Variants in SLCO3A1 observed in about 807,000 individuals in gnomAD.
SLCO3A1 encodes PGE1 transporter.
A neutral mutation model predicts 63.1 loss-of-function variants in SLCO3A1; 27 were observed. The observed-to-expected ratio is 0.43, with a 90% confidence interval of 0.32 to 0.59. The LOEUF (loss-of-function observed/expected upper bound fraction) is 0.59. SLCO3A1 is among the 20% of genes least tolerant of loss of function. The pLI, the probability that SLCO3A1 is intolerant of heterozygous loss-of-function variation, is 0.09. For missense variants in SLCO3A1, 773 were observed against 945.8 expected (o/e 0.82, Z 2.40); for synonymous variants, 473 against 409.9 (o/e 1.15, Z -1.86).
intron 2 of SLCO3A1, among the ~76,000 whole-genome samples, chr15:91,999,306 TAAA>T (rs1441132087): frequency 3.9e-5 from 6 of 151,910 alleles, no homozygotes; most frequent in Non-Finnish European, 5.9e-5. Context: ...TTTTAAAAAT[TAAA>T]AAATAAAAAG....
Position 91,952,860 on chromosome 15 carries a change from C to A in SLCO3A1, c.646+36402C>A, listed in dbSNP as rs560421397. Among the ~76,000 whole-genome samples the A allele has an allele frequency of 1.4e-4, 21 of 152,238 alleles. 1 individual carries two copies. The South Asian group carries it at 3.9e-3, about 29-fold the overall frequency. On this transcript the variant is annotated intron_variant, in intron 2 of 9. Coordinates refer to ENST00000318445, the MANE Select transcript of SLCO3A1 (RefSeq NM_013272.4). The stretch of plus-strand genomic sequence containing the variant: ...TCTCCAAAATCTAATTCCCATTGAC[C>A]GCATCACACTGCTGTGTCCAGGAGG...
intron 2 of SLCO3A1, among the ~76,000 whole-genome samples, chr15:92,011,384 C>A (rs1310028081): frequency 6.6e-6 from 1 of 152,210 alleles, no homozygotes; most frequent in African/African-American, 2.4e-5. Context: ...TTTGAGATTA[C>A]AATGCCTTAT....
rs201311094 is a variant in SLCO3A1, at chr15:92,060,381, G to A, written c.647-34500G>A. Among the ~76,000 whole-genome samples, 17 of 152,112 alleles carry A rather than the reference G, an allele frequency of 1.1e-4. No homozygotes were observed. In the East Asian group the frequency reaches 3.1e-3, roughly 28 times the overall value. On this transcript the variant is annotated intron_variant, in intron 2 of 9. Transcript: ENST00000318445. ...TCAAGACCAGCCTGGCCAACATCGC[G>A]AAACCCTGTCTCTACTAAAAATACA...
chr15:91,916,440 G>C lies in SLCO3A1; in HGVS notation c.628G>C (p.Asp210His). ...CATCGACGACCACGTGCGGAGGAAG[G>C]ACTCCTCGCTCTATATAGGTAGGAG... is the stretch of plus-strand genomic sequence containing the variant. ...SYIDDHVRRK[D>H]SSLYIGILFT... Residue 210 changes from aspartate to histidine, a missense_variant, in exon 2 of 10, where the codon GAC (aspartate) becomes CAC (histidine). Around this residue, in one of 3 missense-constraint regions of SLCO3A1, gnomAD observed 565 missense variants for 749.8 expected, o/e 0.75. Coordinates refer to ENST00000318445, the MANE Select transcript of SLCO3A1 (RefSeq NM_013272.4). The surrounding 1 kb of genome is among the most constrained non-coding windows in gnomAD (Gnocchi z 6.2). 6.2e-7 allele frequency: 1 copy of C among 1,610,140 alleles called. No homozygotes were observed. The highest frequency in any genetic ancestry group is 8.5e-7 in the Non-Finnish European group (1 of 1,178,432).
At position 92,034,871 on chromosome 15, in the gene SLCO3A1, A is replaced by G. The variant is rs76395857; in HGVS notation, c.647-60010A>G. Among the ~76,000 whole-genome samples, 45 of 152,036 alleles carry G rather than the reference A, an allele frequency of 3.0e-4. No homozygotes were observed. In the East Asian group the frequency reaches 6.7e-3, roughly 23 times the overall value. ...CAATTCTGTCCCTGCGTTAGTACTG[A>G]TAGCTCTAACTGTCATTCGCTGATT... On this transcript the variant is annotated intron_variant, in intron 2 of 9. Transcript: ENST00000318445.
chr15:91,853,810 G>C lies in SLCO3A1; in HGVS notation c.-99G>C. 3.7e-6 allele frequency: 4 copies of C among 1,092,920 alleles called. No homozygotes were observed. The highest frequency in any genetic ancestry group is 4.5e-6 in the Non-Finnish European group (4 of 895,458). The allele number at this position is 1,092,920 out of a possible 1,614,324, so 67.7% of individuals were successfully genotyped here. A position where few individuals can be genotyped will look rare whatever the true frequency, so the allele number is the denominator to read the frequency against. Reference sequence around the variant, plus strand: ...CGCGAACCCGGGGCGGGGACAGCACGCAGCCTCGAGGCGCGCACCCCCGCC... The same window carrying C: ...CGCGAACCCGGGGCGGGGACAGCACCCAGCCTCGAGGCGCGCACCCCCGCC... On this transcript the variant is annotated 5_prime_UTR_variant, in exon 1 of 10. Transcript: ENST00000318445.
chr15:92,166,314 C>A (rs1162233359), downstream of SLCO3A1, among the ~76,000 whole-genome samples: 5 of 152,144 alleles, frequency 3.3e-5, no homozygotes, highest in African/African-American at 1.2e-4. Flanking sequence ...TTGCTAGGAA[C>A]ACTTAACAGG....
rs1413054036 is a variant in SLCO3A1 at position 91,952,958 on chromosome 15, G to A, written c.646+36500G>A. Among the ~76,000 whole-genome samples, 3 of 152,156 alleles carry A rather than the reference G, an allele frequency of 2.0e-5. No individual in the cohort carries two copies. In the South Asian group the frequency reaches 6.2e-4, roughly 31 times the overall value. On this transcript the variant is annotated intron_variant, in intron 2 of 9. Coordinates refer to ENST00000318445, the MANE Select transcript of SLCO3A1 (RefSeq NM_013272.4). ...TTGGTTGAGGAAGAGGCAGCTGAGT[G>A]AGTCACAGATTTAGGGACAAGGTGG...
At chr15:92,146,698 TGGG>T (rs752474246) in intron 7 of SLCO3A1, among the ~76,000 whole-genome samples, 1 of 152,188 alleles carries the variant, frequency 6.6e-6, no homozygotes, top group African/African-American at 2.4e-5. Flanking sequence ...CTAATTGTAT[TGGG>T]GGGGACACAT....
At chr15:92,044,342 T>C (rs2046834243) in intron 2 of SLCO3A1, among the ~76,000 whole-genome samples, 2 of 152,156 alleles carry the variant, frequency 1.3e-5, no homozygotes, top group African/African-American at 4.8e-5. Flanking sequence ...TTATCTCTTA[T>C]CCTGTTCAGA....
chr15:92,100,077 A>C (rs927083073), intron 3 of SLCO3A1, among the ~76,000 whole-genome samples: 16 of 144,070 alleles, frequency 1.1e-4, no homozygotes, highest in Non-Finnish European at 2.0e-4. Context: ...AAAAAAAAAA[A>C]CAAAAAACAA....
rs35791741 is a variant in SLCO3A1 at position 92,065,070 on chromosome 15, T to TTTTGTTTGTTTGTTTG, written c.647-29799_647-29784dup. ...GATAGATATACCGGTTACCCACGTTTTTTGTTTGTTTGTTTGTTTGTTTGT... is the reference window on the plus strand; with the variant it reads ...GATAGATATACCGGTTACCCACGTTTTTTGTTTGTTTGTTTGTTTGTTTGTTTGTTTGTTTGTTTGT... On this transcript the variant is annotated intron_variant, in intron 2 of 9. Coordinates refer to ENST00000318445, the MANE Select transcript of SLCO3A1 (RefSeq NM_013272.4). Among the ~76,000 whole-genome samples the TTTTGTTTGTTTGTTTG allele has an allele frequency of 4.5e-3, 685 of 150,966 alleles. 8 individuals are homozygous for TTTTGTTTGTTTGTTTG. Among genetic ancestry groups the TTTTGTTTGTTTGTTTG allele is most frequent in the East Asian group, 0.025 (126 of 5,096 alleles).
rs929762690 is a variant in SLCO3A1 at position 92,163,564 on chromosome 15, A to T, written c.*429A>T. Reference sequence around the variant, plus strand: ...CCTAAAATAAAAAAAATTAAAAAAAAAAAACCCACAAGTTGAAAACATTGC... The same window carrying T: ...CCTAAAATAAAAAAAATTAAAAAAATAAAACCCACAAGTTGAAAACATTGC... On this transcript the variant is annotated 3_prime_UTR_variant, in exon 10 of 10. Transcript: ENST00000318445. 1.1e-4 allele frequency: 111 copies of T among 984,732 alleles called. 1 individual carries two copies. In the African/African-American group the frequency reaches 1.6e-3, roughly 14 times the overall value. 61.0% of individuals were successfully genotyped at this position (984,732 alleles called of 1,614,324 possible).
At chr15:91,983,991 G>A (rs947321902) in intron 2 of SLCO3A1, among the ~76,000 whole-genome samples, 3 of 152,182 alleles carry the variant, frequency 2.0e-5, no homozygotes, top group Admixed American at 6.5e-5. Flanking sequence ...TGTGAGAGTG[G>A]ATGTGGTTTC....
chr15:92,082,822 G>A (rs1192623889), intron 2 of SLCO3A1, among the ~76,000 whole-genome samples: 12 of 152,162 alleles, frequency 7.9e-5, no homozygotes, highest in Non-Finnish European at 1.6e-4. Flanking sequence ...CCACTGTGCC[G>A]TGATACCTGC....
chr15:91,946,906 T>C (rs1288698639), intron 2 of SLCO3A1, among the ~76,000 whole-genome samples: 6 of 152,146 alleles, frequency 3.9e-5, no homozygotes. Context: ...ATGGCAAAGG[T>C]GGGGACCTGC....
intron 7 of SLCO3A1, among the ~76,000 whole-genome samples, chr15:92,131,994 A>G (rs147498310): frequency 4.1e-5 from 6 of 145,686 alleles, no homozygotes; most frequent in African/African-American, 1.5e-4. Context: ...GGAACCTTGC[A>G]TTCTCACTGT....
chr15:91,920,341 T>C (rs1003067002), intron 2 of SLCO3A1, among the ~76,000 whole-genome samples: 3 of 152,160 alleles, frequency 2.0e-5, no homozygotes, highest in Admixed American at 2.0e-4. Flanking sequence ...GCCCGAAGCC[T>C]CCTGGGCATA....
chr15:91,947,784 C>T (rs1235343919), intron 2 of SLCO3A1, among the ~76,000 whole-genome samples: 1 of 152,206 alleles, frequency 6.6e-6, no homozygotes, highest in African/African-American at 2.4e-5. Flanking sequence ...CCCTCCCAGA[C>T]TGCTTTCCTC....
Sources: allele counts gnomAD v4.1 joint callset (sites outside exome capture counted in the v4.1 genomes callset), GRCh38; gene constraint gnomAD v4.1.1; regional missense constraint gnomAD v4.1.1; non-coding constraint Gnocchi (gnomAD v3.1); transcripts MANE v1.5; gene names NCBI Gene and HGNC (gene_info 2026-07-23, HGNC 2026-07-21).